SH3RF3: variants seen among roughly 807,000 people sequenced by gnomAD.
SH3RF3 encodes the protein E3 ubiquitin-protein ligase SH3RF3.
SH3RF3 carries 29 observed loss-of-function variants against 66.3 expected under a neutral mutation model. The observed-to-expected ratio is 0.44, with a 90% confidence interval of 0.33 to 0.60. SH3RF3 has a LOEUF of 0.60. Ranked by LOEUF, SH3RF3 falls within the 20% of genes least tolerant of loss-of-function variation. SH3RF3 has a pLI of 0.04. For synonymous variants in SH3RF3, 583 were observed against 532.0 expected (o/e 1.10, Z -1.32); for missense variants, 1,194 against 1,190.9 (o/e 1.00, Z -0.04).
chr2:109,489,873 G>A (rs895182620), intron 8 of SH3RF3, among the ~76,000 whole-genome samples: 7 of 152,168 alleles, frequency 4.6e-5, no homozygotes, highest in African/African-American at 1.7e-4. Flanking sequence ...GAGTATCTGG[G>A]ATTACAGGCA....
intron 1 of SH3RF3, among the ~76,000 whole-genome samples, chr2:109,316,878 A>C (rs1437195694): frequency 6.6e-6 from 1 of 152,240 alleles, no homozygotes. Context: ...TCTCCAGAAC[A>C]TCATACAGTT....
At chr2:109,175,167 A>G (rs1677887015) in intron 1 of SH3RF3, among the ~76,000 whole-genome samples, 1 of 152,158 alleles carries the variant, frequency 6.6e-6, no homozygotes, top group Non-Finnish European at 1.5e-5. Flanking sequence ...GGTCCAGACT[A>G]GAAATTGGAG....
At chr2:109,130,509 C>T (rs1177720900) in intron 1 of SH3RF3, among the ~76,000 whole-genome samples, 2 of 152,174 alleles carry the variant, frequency 1.3e-5, no homozygotes, top group East Asian at 1.9e-4. Flanking sequence ...TAGCCCTTAA[C>T]GTTTCTGACA....
intron 8 of SH3RF3, among the ~76,000 whole-genome samples, chr2:109,474,697 G>A (rs1226191463): frequency 6.6e-6 from 1 of 152,230 alleles, no homozygotes; most frequent in Admixed American, 6.5e-5. Context: ...TTTCTCCAAA[G>A]CATCGCAGAT....
At chr2:109,290,492 C>A (rs1681140858) in intron 1 of SH3RF3, among the ~76,000 whole-genome samples, 1 of 152,256 alleles carries the variant, frequency 6.6e-6, no homozygotes, top group African/African-American at 2.4e-5. Context: ...TAGCGCCCAA[C>A]TTCTATTTTC....
intron 7 of SH3RF3, among the ~76,000 whole-genome samples, chr2:109,447,153 A>G (rs913302517): frequency 6.7e-6 from 1 of 148,712 alleles, no homozygotes; most frequent in Non-Finnish European, 1.5e-5. Context: ...TATTTAAAAA[A>G]AAAAAAAAAA....
intron 4 of SH3RF3, among the ~76,000 whole-genome samples, chr2:109,406,431 G>A (rs940130608): frequency 1.3e-5 from 2 of 152,052 alleles, no homozygotes; most frequent in Admixed American, 6.5e-5. Flanking sequence ...GCTATATCAC[G>A]TAATAAGCAG....
At chr2:109,318,955 G>A (rs979517847) in intron 1 of SH3RF3, among the ~76,000 whole-genome samples, 1 of 152,244 alleles carries the variant, frequency 6.6e-6, no homozygotes, top group African/African-American at 2.4e-5. Flanking sequence ...ACTTCCCTGA[G>A]AACATTTGTA....
At chr2:109,250,026 T>C (rs955825438) in intron 1 of SH3RF3, among the ~76,000 whole-genome samples, 1 of 150,034 alleles carries the variant, frequency 6.7e-6, no homozygotes, top group African/African-American at 2.5e-5. Context: ...GAAATATAAA[T>C]GAAAACTTGT....
chr2:109,298,043 C>T (rs896847753), intron 1 of SH3RF3, among the ~76,000 whole-genome samples: 3 of 152,270 alleles, frequency 2.0e-5, no homozygotes, highest in South Asian at 2.1e-4. Context: ...AGTGTGGGAA[C>T]GTACCCTGTG....
intron 1 of SH3RF3, among the ~76,000 whole-genome samples, chr2:109,323,988 T>C (rs1349710523): frequency 1.3e-5 from 2 of 152,206 alleles, no homozygotes; most frequent in African/African-American, 4.8e-5. Context: ...CCCCAGCCCC[T>C]GGAAAACACT....
intron 3 of SH3RF3, 95 bp downstream of exon 3, chr2:109,371,776 A>C: frequency 9.7e-7 from 1 of 1,031,840 alleles, no homozygotes; most frequent in Non-Finnish European, 1.5e-6. Context: ...CTTTTCTAAG[A>C]GAGAAAGAGG....
intron 1 of SH3RF3, among the ~76,000 whole-genome samples, chr2:109,282,389 C>G (rs989204705): frequency 1.3e-5 from 2 of 152,082 alleles, no homozygotes; most frequent in African/African-American, 4.8e-5. Context: ...GCTGAGATAC[C>G]AAAACATGGG....
chr2:109,291,775 G>C (rs1681189962), intron 1 of SH3RF3, among the ~76,000 whole-genome samples: 1 of 152,228 alleles, frequency 6.6e-6, no homozygotes, highest in Non-Finnish European at 1.5e-5. Flanking sequence ...AAGGTCTCCA[G>C]TTTCAGGTGA....
chr2:109,366,992 C>T (rs11681179), intron 2 of SH3RF3, among the ~76,000 whole-genome samples: 41,792 of 152,098 alleles, frequency 0.27, 6,624 homozygotes, highest in Non-Finnish European at 0.37. Context: ...GTCTCATTCT[C>T]GCCCAGGCTG....
chr2:109,261,318 G>A (rs905578075), intron 1 of SH3RF3, among the ~76,000 whole-genome samples: 3 of 152,162 alleles, frequency 2.0e-5, no homozygotes, highest in East Asian at 1.9e-4. Flanking sequence ...GCCTTGATCC[G>A]CACACTGTGC....
intron 1 of SH3RF3, among the ~76,000 whole-genome samples, chr2:109,285,035 G>A (rs1215828311): frequency 1.3e-5 from 2 of 152,218 alleles, no homozygotes; most frequent in Admixed American, 6.5e-5. Flanking sequence ...GTGCCGCGGG[G>A]CCTCTGCTCC....
At chr2:109,143,504 A>G (rs1473534942) in intron 1 of SH3RF3, among the ~76,000 whole-genome samples, 3 of 152,184 alleles carry the variant, frequency 2.0e-5, no homozygotes, top group East Asian at 3.8e-4. Context: ...GAACTTTAGG[A>G]GGTCAAGACA....
At chr2:109,487,981 C>T (rs1291133405) in intron 8 of SH3RF3, among the ~76,000 whole-genome samples, 2 of 152,234 alleles carry the variant, frequency 1.3e-5, no homozygotes, top group Non-Finnish European at 2.9e-5. Context: ...CACCAGGCCC[C>T]TTCATGGTGA....
Sources: allele counts gnomAD v4.1 joint callset (sites outside exome capture counted in the v4.1 genomes callset), GRCh38; gene constraint gnomAD v4.1.1; transcripts MANE v1.5; gene names NCBI Gene and HGNC (gene_info 2026-07-23, HGNC 2026-07-21).